The following BRIP1 variants were observed in gnomAD, a reference collection of about 807,000 sequenced individuals.
The protein encoded by BRIP1 is Fanconi anemia group J protein.
Under a neutral mutation model 119.7 loss-of-function variants are expected in BRIP1, and 88 were observed. The observed-to-expected ratio is 0.74, with a 90% CI of 0.62 to 0.88. BRIP1 has a LOEUF of 0.88. Ranked by LOEUF, BRIP1 falls within the 40% of genes least tolerant of loss-of-function variation. The pLI, the probability that BRIP1 is intolerant of heterozygous loss-of-function variation, is 0.00. For synonymous variants in BRIP1, 443 were observed against 496.5 expected, an observed-to-expected ratio of 0.89 and a Z score of 1.43; for missense variants, 1,259 against 1,455.4, an observed-to-expected ratio of 0.87 and a Z score of 2.20.
At position 61,798,798 on chromosome 17, in the gene BRIP1, A is replaced by G. The variant is rs1490220852; in HGVS notation, c.1340+302T>C. ...AGAATTTTAAAATATATTAATTAAA[A>G]GCACGTTTAGTTTCTGGTTCAATAT... On this transcript the variant is annotated intron_variant, in intron 9 of 19. Transcript: ENST00000259008. The surrounding 1 kb of genome is among the most constrained non-coding windows in gnomAD (Gnocchi z 5.5). 6.6e-6 allele frequency among the ~76,000 whole-genome samples: 1 copy of G among 152,094 alleles called. No homozygotes were observed. Among genetic ancestry groups the G allele is most frequent in the African/African-American group, 2.4e-5 (1 of 41,436 alleles).
intron 14 of BRIP1, among the ~76,000 whole-genome samples, chr17:61,747,474 C>A (rs540774734): frequency 1.3e-5 from 2 of 148,752 alleles, no homozygotes; most frequent in South Asian, 2.2e-4. Context: ...GCCACCGATA[C>A]AATAAAAGAC....
intron 18 of BRIP1, among the ~76,000 whole-genome samples, chr17:61,688,710 T>A (rs1230534275): frequency 3.9e-5 from 5 of 129,810 alleles, no homozygotes; most frequent in Non-Finnish European, 6.7e-5. Context: ...CAGGAAAAAA[T>A]AACCCTGTCA....
chr17:61,820,214 A>G (rs543310363), intron 6 of BRIP1, among the ~76,000 whole-genome samples: 1 of 152,336 alleles, frequency 6.6e-6, no homozygotes, highest in Non-Finnish European at 1.5e-5. Flanking sequence ...AAGAACTGAA[A>G]CCACGAGACT....
In BRIP1 at chr17:61,853,234, T is replaced by A. The variant is rs1216733977; in HGVS notation, c.379+3824A>T. On this transcript the variant is annotated intron_variant, in intron 4 of 19. Transcript: ENST00000259008. This position sits in a 1 kb window ranked among gnomAD's most constrained non-coding sequence, Gnocchi z 4.3. ...ACACAAGATTACATATATAATTCCA[T>A]TTTTTTTTTTTGAGATGGAGTTTCA... 9.7e-6 allele frequency among the ~76,000 whole-genome samples: 1 copy of A among 103,412 alleles called. No homozygotes were observed. Among genetic ancestry groups the A allele is most frequent in the African/African-American group, 3.0e-5 (1 of 33,386 alleles). The allele number at this position is 103,412 out of a possible 152,430, so 67.8% of individuals were successfully genotyped here.
chr17:61,772,443 T>G (rs1165049719), intron 14 of BRIP1, among the ~76,000 whole-genome samples: 2 of 151,888 alleles, frequency 1.3e-5, no homozygotes, highest in Non-Finnish European at 2.9e-5. Flanking sequence ...ACAGAGTTCT[T>G]ATTTGGTATG....
In BRIP1 at chr17:61,830,161, T is replaced by A. The variant is rs1330709711; in HGVS notation, c.627+16940A>T. ...GTTGGCCAGCCTGGTCTCAAACTCCTGGCCTCAGGTGATACGCTCGCCTCA... is the reference window on the plus strand; with the variant it reads ...GTTGGCCAGCCTGGTCTCAAACTCCAGGCCTCAGGTGATACGCTCGCCTCA... On this transcript the variant is annotated intron_variant, in intron 6 of 19. Transcript: ENST00000259008. 3.3e-5 allele frequency among the ~76,000 whole-genome samples: 5 copies of A among 152,124 alleles called. No individual in the cohort carries two copies. In the East Asian group the frequency reaches 9.7e-4, roughly 29 times the overall value.
chr17:61,751,079 C>A lies in BRIP1; in HGVS notation c.2098-6488G>T, dbSNP rs931584311. ...ATTCCCAATAACCAAATAGTGGAAA[C>A]AACTCAAGTGTCAATCAACAGATGA... is the stretch of plus-strand genomic sequence containing the variant. On this transcript the variant is annotated intron_variant, in intron 14 of 19. Transcript: ENST00000259008. This position sits in a 1 kb window ranked among gnomAD's most constrained non-coding sequence, Gnocchi z 6.7. Among the ~76,000 whole-genome samples, 1 of 152,082 alleles carries A rather than the reference C, an allele frequency of 6.6e-6. No individual in the cohort carries two copies. The highest frequency in any genetic ancestry group is 1.5e-5 in the Non-Finnish European group (1 of 68,026).
rs1006487020 is a variant in BRIP1, at chr17:61,768,090, T to G, written c.2097+8311A>C. The stretch of plus-strand genomic sequence containing the variant: ...ACTTATTTTATACCACAACCCAAAC[T>G]GAAATCTTCTTGAAGAGACAGTAAC... On this transcript the variant is annotated intron_variant, in intron 14 of 19. Coordinates refer to ENST00000259008, the MANE Select transcript of BRIP1 (RefSeq NM_032043.3). The surrounding 1 kb of genome is among the most constrained non-coding windows in gnomAD (Gnocchi z 5.0). Among the ~76,000 whole-genome samples, 2 of 152,208 alleles carry G rather than the reference T, an allele frequency of 1.3e-5. No individual in the cohort carries two copies. Among genetic ancestry groups the G allele is most frequent in the Non-Finnish European group, 2.9e-5 (2 of 68,040 alleles).
chr17:61,789,947 A>G lies in BRIP1; in HGVS notation c.1473+3650T>C, dbSNP rs1476617048. On this transcript the variant is annotated intron_variant, in intron 10 of 19. Transcript: ENST00000259008. This position sits in a 1 kb window ranked among gnomAD's most constrained non-coding sequence, Gnocchi z 4.8. ...TTCCCTTGACATACATTTTATTTGT[A>G]CATTTTATAACTGACATGTAACATA... is the stretch of plus-strand genomic sequence containing the variant. Among the ~76,000 whole-genome samples, 1 of 152,136 alleles carries G rather than the reference A, an allele frequency of 6.6e-6. No individual in the cohort carries two copies. Among genetic ancestry groups the G allele is most frequent in the Non-Finnish European group, 1.5e-5 (1 of 68,024 alleles).
rs976588176 is a variant in BRIP1 at position 61,845,088 on chromosome 17, GAAGGA to G, written c.627+2008_627+2012del. Among the ~76,000 whole-genome samples, 3 of 152,192 alleles carry G rather than the reference GAAGGA, an allele frequency of 2.0e-5. No individual in the cohort carries two copies. The highest frequency in any genetic ancestry group is 7.2e-5 in the African/African-American group (3 of 41,440). ...TAATTTCAGATAATAGTAAGCCCATGAAGGAAAGGAAAGAAAATGAATGAGAAAAC... is the reference window on the plus strand; with the variant it reads ...TAATTTCAGATAATAGTAAGCCCATGAAGGAAAGAAAATGAATGAGAAAAC... On this transcript the variant is annotated intron_variant, in intron 6 of 19. Coordinates refer to ENST00000259008, the MANE Select transcript of BRIP1 (RefSeq NM_032043.3). The surrounding 1 kb of genome is among the most constrained non-coding windows in gnomAD (Gnocchi z 4.2).
At position 61,780,410 on chromosome 17, in the gene BRIP1, AAAC is replaced by A. The variant is rs1475317357; in HGVS notation, c.1795-12_1795-10del. 3.7e-6 allele frequency: 6 copies of A among 1,603,078 alleles called. No individual in the cohort carries two copies. Among genetic ancestry groups the A allele is most frequent in the Middle Eastern group, 1.7e-4 (1 of 5,980 alleles). On this transcript the variant is annotated splice_polypyrimidine_tract_variant and intron_variant, in intron 12 of 19. Transcript: ENST00000259008. This position sits in a 1 kb window ranked among gnomAD's most constrained non-coding sequence, Gnocchi z 5.4. ...TTAATATCTGAAAAGGCCTAAAAGA[AAAC>A]AACATTAGATAAATAAAATTATCTT...
At chr17:61,750,546 G>A (rs538724583) in intron 14 of BRIP1, among the ~76,000 whole-genome samples, 1 of 152,038 alleles carries the variant, frequency 6.6e-6, no homozygotes, top group African/African-American at 2.4e-5. Context: ...AAACTTTTTT[G>A]GATACTGTCA....
Position 61,804,909 on chromosome 17 carries a change from C to A in BRIP1, c.919-3435G>T, listed in dbSNP as rs1290219396. Among the ~76,000 whole-genome samples, 4 of 150,684 alleles carry A rather than the reference C, an allele frequency of 2.7e-5. No homozygotes were observed. Among genetic ancestry groups the A allele is most frequent in the African/African-American group, 9.7e-5 (4 of 41,064 alleles). ...AGCGCACTGGCTCATGCTTATAATC[C>A]TAACACTTTGAGAAGCCAAGGCAGG... On this transcript the variant is annotated intron_variant, in intron 7 of 19. Coordinates refer to ENST00000259008, the MANE Select transcript of BRIP1 (RefSeq NM_032043.3). This position sits in a 1 kb window ranked among gnomAD's most constrained non-coding sequence, Gnocchi z 4.5.
chr17:61,737,959 A>G (rs1455091289), intron 16 of BRIP1, among the ~76,000 whole-genome samples: 1 of 152,220 alleles, frequency 6.6e-6, no homozygotes, highest in Non-Finnish European at 1.5e-5. Flanking sequence ...GGAGGTTAGC[A>G]GATGTGATGT....
At chr17:61,763,553 A>T (rs1325263998) in intron 14 of BRIP1, among the ~76,000 whole-genome samples, 1 of 152,140 alleles carries the variant, frequency 6.6e-6, no homozygotes, top group Admixed American at 6.6e-5. Flanking sequence ...TATTTCTAAA[A>T]ACTCCTCAGA....
chr17:61,747,360 A>T (rs929437042), intron 14 of BRIP1, among the ~76,000 whole-genome samples: 6 of 152,156 alleles, frequency 3.9e-5, no homozygotes, highest in African/African-American at 1.2e-4. Flanking sequence ...AAAACAATTT[A>T]AAAAGTTGGT....
At position 61,726,978 on chromosome 17, in the gene BRIP1, TAAC is replaced by T. The variant is rs1351777125; in HGVS notation, c.2380-10918_2380-10916del. ...ACTGTGAATAAACTTTTGCTAGCAA[TAAC>T]AACTAACAAAATAAAATATTATCTT... On this transcript the variant is annotated intron_variant, in intron 16 of 19. Transcript: ENST00000259008. This position sits in a 1 kb window ranked among gnomAD's most constrained non-coding sequence, Gnocchi z 6.2. Among the ~76,000 whole-genome samples the T allele has an allele frequency of 6.6e-6, 1 of 152,140 alleles. No homozygotes were observed. Among genetic ancestry groups the T allele is most frequent in the African/African-American group, 2.4e-5 (1 of 41,438 alleles).
chr17:61,840,770 T>C (rs1603358585), intron 6 of BRIP1, among the ~76,000 whole-genome samples: 1 of 152,100 alleles, frequency 6.6e-6, no homozygotes, highest in East Asian at 1.9e-4. Context: ...AGACCCTGAA[T>C]AGCCAAAGTA....
rs2145732062 is a variant in BRIP1, at chr17:61,846,142, A to G, written c.627+959T>C. ...GCTTGCAGTGGGCGGAGATCACGCC[A>G]CCGCACTTCCAGCCTGGGTGACAGA... On this transcript the variant is annotated intron_variant, in intron 6 of 19. Coordinates refer to ENST00000259008, the MANE Select transcript of BRIP1 (RefSeq NM_032043.3). This position sits in a 1 kb window ranked among gnomAD's most constrained non-coding sequence, Gnocchi z 4.3. Among the ~76,000 whole-genome samples, 1 of 152,070 alleles carries G rather than the reference A, an allele frequency of 6.6e-6. No homozygotes were observed. Among genetic ancestry groups the G allele is most frequent in the South Asian group, 2.1e-4 (1 of 4,814 alleles).
Sources: allele counts gnomAD v4.1 joint callset (sites outside exome capture counted in the v4.1 genomes callset), GRCh38; gene constraint gnomAD v4.1.1; non-coding constraint Gnocchi (gnomAD v3.1); transcripts MANE v1.5; gene names NCBI Gene and HGNC (gene_info 2026-07-23, HGNC 2026-07-21).